SLC6A11: variants seen among roughly 807,000 people sequenced by gnomAD.
SLC6A11 encodes solute carrier family 6 member 11, also known as sodium- and chloride-dependent GABA transporter 3.
SLC6A11 carries 25 observed loss-of-function variants against 74.8 expected under a neutral mutation model. The observed-to-expected ratio is 0.33, with a 90% CI of 0.24 to 0.47. The LOEUF (loss-of-function observed/expected upper bound fraction) is 0.47. Ranked by LOEUF, SLC6A11 falls within the 20% of genes least tolerant of loss-of-function variation. SLC6A11 has a pLI of 1.00. For missense variants in SLC6A11, 574 were observed against 837.0 expected (o/e 0.69, Z 3.88); for synonymous variants, 330 against 330.2 (o/e 1.00, Z 0.01).
At chr3:10,834,800 G>A (rs1694345691) in intron 4 of SLC6A11, among the ~76,000 whole-genome samples, 1 of 152,186 alleles carries the variant, frequency 6.6e-6, no homozygotes, top group African/African-American at 2.4e-5. Flanking sequence ...TAGAATGGGT[G>A]TAAATAGACA....
chr3:10,874,402 A>C (rs967815349), intron 5 of SLC6A11, among the ~76,000 whole-genome samples: 8 of 152,166 alleles, frequency 5.3e-5, no homozygotes, highest in Admixed American at 5.2e-4. Context: ...GCAGGAGGAC[A>C]GGCCGTGTTA....
intron 6 of SLC6A11, among the ~76,000 whole-genome samples, chr3:10,895,371 A>C (rs1807101): frequency 0.51 from 76,841 of 151,848 alleles, 20,054 homozygotes; most frequent in East Asian, 0.72. Context: ...TATTTAAGTT[A>C]CAGGATATAT....
At chr3:10,878,579 AT>A (rs56827863) in intron 6 of SLC6A11, among the ~76,000 whole-genome samples, 72,404 of 141,110 alleles carry the variant, frequency 0.51, 18,241 homozygotes, top group Non-Finnish European at 0.56. Flanking sequence ...TAATGTTTGT[AT>A]TTTTTTTTTT....
At chr3:10,912,241 C>A in intron 7 of SLC6A11, 48 bp downstream of exon 7, 1 of 1,236,100 alleles carries the variant, frequency 8.1e-7, no homozygotes, top group Non-Finnish European at 1.2e-6. Context: ...ACCCTGAGAG[C>A]CCTCTAACCT....
chr3:10,870,472 G>A (rs1413174856), intron 5 of SLC6A11, among the ~76,000 whole-genome samples: 1 of 152,238 alleles, frequency 6.6e-6, no homozygotes, highest in Admixed American at 6.5e-5. Flanking sequence ...AAAGAATGCT[G>A]TGATCTATTA....
intron 5 of SLC6A11, among the ~76,000 whole-genome samples, chr3:10,866,605 A>G (rs1376482911): frequency 6.6e-6 from 1 of 152,226 alleles, no homozygotes; most frequent in Non-Finnish European, 1.5e-5. Context: ...TTTCACAGCT[A>G]ATGATACACC....
At chr3:10,936,989 C>T (rs1695766906) in intron 13 of SLC6A11, among the ~76,000 whole-genome samples, 1 of 152,144 alleles carries the variant, frequency 6.6e-6, no homozygotes, top group South Asian at 2.1e-4. Context: ...GCCCTCCTTA[C>T]CGAGAGTCCT....
chr3:10,833,180 A>T (rs1167323157), intron 4 of SLC6A11, among the ~76,000 whole-genome samples: 1 of 151,650 alleles, frequency 6.6e-6, no homozygotes, highest in Non-Finnish European at 1.5e-5. Context: ...TCCCACCTCA[A>T]CCTCCCAAGT....
rs1695606777 is a variant in SLC6A11 at position 10,926,322 on chromosome 3, TACCC to T, written c.1233+209_1233+212del. On this transcript the variant is annotated intron_variant, in intron 9 of 13. Coordinates refer to ENST00000254488, the MANE Select transcript of SLC6A11 (RefSeq NM_014229.3). This position sits in a 1 kb window ranked among gnomAD's most constrained non-coding sequence, Gnocchi z 5.7. ...CCATCCACCAGGTGGGCTCTACACT[TACCC>T]ACAAATGTCTGTTCCGGCCCCTCTA... Among the ~76,000 whole-genome samples the T allele has an allele frequency of 1.3e-5, 2 of 152,162 alleles. No individual in the cohort carries two copies. Among genetic ancestry groups the T allele is most frequent in the East Asian group, 3.9e-4 (2 of 5,168 alleles).
intron 8 of SLC6A11, among the ~76,000 whole-genome samples, chr3:10,923,743 C>T (rs1482970942): frequency 1.3e-5 from 2 of 151,980 alleles, no homozygotes; most frequent in East Asian, 1.9e-4. Context: ...CCTGCAGGAG[C>T]GTTAACAATT....
chr3:10,935,298 C>T, intron 13 of SLC6A11, 99 bp downstream of exon 13: 1 of 1,129,028 alleles, frequency 8.9e-7, no homozygotes, highest in Non-Finnish European at 1.3e-6. Flanking sequence ...CCTGCGCCCA[C>T]CTGCCTCAAG....
chr3:10,868,551 T>G (rs922121183), intron 5 of SLC6A11, among the ~76,000 whole-genome samples: 1 of 152,206 alleles, frequency 6.6e-6, no homozygotes, highest in African/African-American at 2.4e-5. Flanking sequence ...TAGTGAAAAC[T>G]CTTAACCAAG....
chr3:10,929,406 G>C, intron 10 of SLC6A11, 67 bp downstream of exon 10: 1 of 1,564,730 alleles, frequency 6.4e-7, no homozygotes, highest in South Asian at 1.2e-5. Flanking sequence ...AGCTCTAAAA[G>C]TGACCAGCTG....
intron 11 of SLC6A11, 55 bp downstream of exon 11, chr3:10,933,308 C>A: frequency 7.8e-7 from 1 of 1,274,858 alleles, no homozygotes; most frequent in South Asian, 1.2e-5. Context: ...TACCCAGGAT[C>A]CTGGTGCTTG....
intron 5 of SLC6A11, among the ~76,000 whole-genome samples, chr3:10,869,354 C>T (rs776009713): frequency 1.3e-5 from 2 of 152,114 alleles, no homozygotes; most frequent in African/African-American, 2.4e-5. Context: ...GCTTCTGTAG[C>T]GAGACAGACA....
intron 8 of SLC6A11, among the ~76,000 whole-genome samples, chr3:10,919,745 C>T (rs2629135): frequency 0.91 from 138,980 of 152,272 alleles, 63,540 homozygotes; most frequent in East Asian, 1. Flanking sequence ...CACCTATTCA[C>T]TGGACAGGAA....
chr3:10,898,713 A>G (rs1186654924), intron 6 of SLC6A11, among the ~76,000 whole-genome samples: 3 of 152,146 alleles, frequency 2.0e-5, no homozygotes, highest in Admixed American at 6.6e-5. Flanking sequence ...ACATTGTTCT[A>G]TCTTCTTCTG....
intron 5 of SLC6A11, among the ~76,000 whole-genome samples, chr3:10,857,346 T>C (rs1575678083): frequency 6.6e-6 from 1 of 151,808 alleles, no homozygotes; most frequent in Non-Finnish European, 1.5e-5. Context: ...GACTTCAGAG[T>C]AGGGGAAGCA....
At chr3:10,900,498 C>T (rs1007120970) in intron 6 of SLC6A11, among the ~76,000 whole-genome samples, 6 of 152,246 alleles carry the variant, frequency 3.9e-5, no homozygotes, top group South Asian at 2.1e-4. Context: ...ACTTATTTCT[C>T]TATCTGCAGC....
Sources: gnomAD v4.1 joint callset for allele counts (sites outside exome capture counted in the v4.1 genomes callset) on GRCh38, gnomAD v4.1.1 for gene constraint, Gnocchi (gnomAD v3.1) non-coding constraint, MANE v1.5 for transcripts, NCBI Gene and HGNC (gene_info 2026-07-23, HGNC 2026-07-21) for gene names.